The following SLC9A3 variants were observed in gnomAD, a reference collection of about 807,000 sequenced individuals.
SLC9A3 encodes solute carrier family 9 member A3.
SLC9A3 carries 37 observed loss-of-function variants against 86.8 expected under a neutral mutation model. That is an observed-to-expected ratio of 0.43 (90% CI 0.33 to 0.56). SLC9A3 has a LOEUF of 0.56. Among genes scored for constraint, SLC9A3 ranks in the 20% least tolerant of loss-of-function variants. The pLI is 0.06. For missense variants in SLC9A3, 1,011 were observed against 1,171.9 expected, an observed-to-expected ratio of 0.86 and a Z score of 2.00; for synonymous variants, 581 against 528.3, an observed-to-expected ratio of 1.10 and a Z score of -1.37.
chr5:484,481 G>C (rs370918197), intron 5 of SLC9A3, 39 bp downstream of exon 5: 35 of 1,600,700 alleles, frequency 2.2e-5, no homozygotes, highest in Non-Finnish European at 2.9e-5. Context: ...AGCTCGGGAG[G>C]AGGGCGTGGA....
In SLC9A3 at chr5:485,128, C is replaced by A. The variant is rs767808669; in HGVS notation, c.754+25G>T. The A allele has an allele frequency of 8.2e-6, 13 of 1,583,432 alleles. No homozygotes were observed. The East Asian group carries it at 1.3e-4, about 16-fold the overall frequency. Reference sequence around the variant, plus strand: ...GCCCCAGAGGAGACACGGCCGCCCACTCCCCCTGACCCACAGCTACACACC... The same window carrying A: ...GCCCCAGAGGAGACACGGCCGCCCAATCCCCCTGACCCACAGCTACACACC... On this transcript the variant is annotated intron_variant, in intron 4 of 16. Transcript: ENST00000264938.
chr5:478,495 G>C (rs1738920468), intron 10 of SLC9A3: 1 of 152,808 alleles, frequency 6.5e-6, no homozygotes, highest in African/African-American at 2.4e-5. Context: ...CCCTGGGTGA[G>C]AGCCAGGAGG....
chr5:494,136 T>C (rs776063112), intron 1 of SLC9A3, among the ~76,000 whole-genome samples: 10 of 152,328 alleles, frequency 6.6e-5, no homozygotes, highest in Non-Finnish European at 1.2e-4. Flanking sequence ...CTCTCCCTTC[T>C]CTAGAAGGTG....
At chr5:485,064 C>T in intron 4 of SLC9A3, 89 bp downstream of exon 4, 1 of 1,028,788 alleles carries the variant, frequency 9.7e-7, no homozygotes, top group South Asian at 1.3e-5. Flanking sequence ...GAGTGCAAAG[C>T]TTTTTCCTGC....
chr5:486,693 G>T (rs1297668027), intron 3 of SLC9A3, among the ~76,000 whole-genome samples: 1 of 152,232 alleles, frequency 6.6e-6, no homozygotes, highest in Non-Finnish European at 1.5e-5. Context: ...AGGGGAGTAT[G>T]GCACAGTCAG....
intron 3 of SLC9A3, among the ~76,000 whole-genome samples, chr5:486,446 T>C (rs945307163): frequency 1.3e-5 from 2 of 152,214 alleles, no homozygotes; most frequent in African/African-American, 4.8e-5. Flanking sequence ...CCATGTTCCT[T>C]GGGGTTCCTG....
intron 1 of SLC9A3, among the ~76,000 whole-genome samples, chr5:494,448 G>T (rs1396993726): frequency 1.3e-5 from 2 of 152,256 alleles, no homozygotes; most frequent in Non-Finnish European, 2.9e-5. Flanking sequence ...GGACTCAGCA[G>T]GTTCTAGGCT....
intron 3 of SLC9A3, among the ~76,000 whole-genome samples, chr5:487,743 T>C (rs1437817877): frequency 5.3e-5 from 8 of 152,194 alleles, no homozygotes; most frequent in African/African-American, 2.4e-5. Context: ...TCTCGGCTCA[T>C]TGCAACCTCT....
At position 491,838 on chromosome 5, in the gene SLC9A3, C is replaced by T. The variant is rs139970401; in HGVS notation, c.445G>A (p.Val149Met). The T allele has an allele frequency of 1.2e-5, 20 of 1,600,170 alleles. No individual in the cohort carries two copies. The highest frequency in any genetic ancestry group is 1.6e-4 in the Middle Eastern group (1 of 6,062). ...GTGGCCGCGTTCCACACGGTACCCA[C>T]GACGGCGTACAACAGGATGGTCCCC... ...NLGTILLYAV[V>M]GTVWNAATTG... Residue 149 changes from valine (V) to methionine (M), a missense_variant, in exon 2 of 17, where the codon GTG (valine) becomes ATG (methionine). Val to Met is a conservative substitution (Grantham distance 21). Coordinates refer to ENST00000264938, the MANE Select transcript of SLC9A3 (RefSeq NM_004174.4). This position sits in a 1 kb window ranked among gnomAD's most constrained non-coding sequence, Gnocchi z 9.2.
intron 7 of SLC9A3, 140 bp downstream of exon 7, chr5:482,408 C>G: frequency 4.0e-6 from 3 of 758,362 alleles, no homozygotes; most frequent in South Asian, 3.5e-5. Flanking sequence ...CACGTGAAAA[C>G]CTACAAAACG....
Sources: allele counts gnomAD v4.1 joint callset (sites outside exome capture counted in the v4.1 genomes callset), GRCh38; gene constraint gnomAD v4.1.1; non-coding constraint Gnocchi (gnomAD v3.1); transcripts MANE v1.5; gene names NCBI Gene and HGNC (gene_info 2026-07-23, HGNC 2026-07-21).